The following CFAP20DC variants were observed in gnomAD, a reference collection of about 807,000 sequenced individuals.
CFAP20DC encodes the protein protein CFAP20DC.
In CFAP20DC, 84 loss-of-function variants were observed where a neutral mutation model predicts 101.7. The observed-to-expected ratio is 0.83, with a 90% CI of 0.69 to 0.99. The LOEUF is 0.99. Among genes scored for constraint, CFAP20DC ranks in the 50% least tolerant of loss-of-function variants. The pLI, the probability that CFAP20DC is intolerant of heterozygous loss-of-function variation, is 0.00. For missense variants in CFAP20DC, 1,007 were observed against 970.3 expected (o/e 1.04, Z -0.50); for synonymous variants, 359 against 351.2 (o/e 1.02, Z -0.25).
chr3:58,811,419 A>T (rs2074621405), intron 14 of CFAP20DC, among the ~76,000 whole-genome samples: 1 of 152,044 alleles, frequency 6.6e-6, no homozygotes, highest in African/African-American at 2.4e-5. Flanking sequence ...CAACTATCTG[A>T]TCTTTGACAA....
At chr3:58,917,286 A>AACAC (rs200310077) in intron 5 of CFAP20DC, among the ~76,000 whole-genome samples, 8 of 151,564 alleles carry the variant, frequency 5.3e-5, no homozygotes, top group Admixed American at 5.3e-4. Context: ...AAATTCTGTG[A>AACAC]ACACACACAC....
intron 15 of CFAP20DC, among the ~76,000 whole-genome samples, chr3:58,781,468 C>G (rs1246156020): frequency 6.6e-6 from 1 of 151,692 alleles, no homozygotes; most frequent in East Asian, 1.9e-4. Flanking sequence ...ACTAAATGAA[C>G]TGGATGCTAA....
intron 15 of CFAP20DC, among the ~76,000 whole-genome samples, chr3:58,776,381 A>C (rs759453500): frequency 1.3e-5 from 2 of 152,112 alleles, no homozygotes; most frequent in African/African-American, 2.4e-5. Flanking sequence ...TCCCTCTTCT[A>C]CCAGGGAGGA....
At chr3:58,918,054 T>A (rs1398897645) in intron 5 of CFAP20DC, among the ~76,000 whole-genome samples, 1 of 152,212 alleles carries the variant, frequency 6.6e-6, no homozygotes, top group East Asian at 1.9e-4. Flanking sequence ...TTCACCATGC[T>A]CCCTAAAATT....
At chr3:58,928,020 T>G (rs1288741627) in intron 5 of CFAP20DC, among the ~76,000 whole-genome samples, 1 of 152,174 alleles carries the variant, frequency 6.6e-6, no homozygotes, top group Non-Finnish European at 1.5e-5. Flanking sequence ...CCAAGCACAT[T>G]TAGAAAGCTT....
At chr3:58,751,577 C>G (rs1268237796) in intron 16 of CFAP20DC, among the ~76,000 whole-genome samples, 2 of 152,022 alleles carry the variant, frequency 1.3e-5, no homozygotes, top group Non-Finnish European at 2.9e-5. Flanking sequence ...AGTCACTGAG[C>G]CCTTGAGATA....
At position 58,758,885 on chromosome 3, in the gene CFAP20DC, G is replaced by T. The variant is rs1408704348; in HGVS notation, c.2238-5022C>A. 5.3e-5 allele frequency among the ~76,000 whole-genome samples: 8 copies of T among 152,040 alleles called. No homozygotes were observed. The South Asian group carries it at 1.0e-3, about 20-fold the overall frequency. The stretch of plus-strand genomic sequence containing the variant: ...CAAGAACTCATCCTTTTTTATGGCT[G>T]CATAGTATTCCATGGTGTATATGTG... On this transcript the variant is annotated intron_variant, in intron 15 of 16. Coordinates refer to ENST00000482387, the MANE Select transcript of CFAP20DC (RefSeq NM_001394063.1).
At chr3:58,789,581 T>C (rs2107624364) in intron 15 of CFAP20DC, among the ~76,000 whole-genome samples, 1 of 152,090 alleles carries the variant, frequency 6.6e-6, no homozygotes, top group East Asian at 1.9e-4. Context: ...CATGAGAAAA[T>C]AAGGAACTGG....
intron 1 of CFAP20DC, among the ~76,000 whole-genome samples, chr3:59,047,702 A>C (rs568416632): frequency 1.1e-3 from 169 of 152,248 alleles, no homozygotes; most frequent in Non-Finnish European, 2.0e-3. Context: ...AGGCTCCAAC[A>C]CTGGCTTTTT....
At chr3:58,920,768 C>A (rs1173324604) in intron 5 of CFAP20DC, among the ~76,000 whole-genome samples, 1 of 152,090 alleles carries the variant, frequency 6.6e-6, no homozygotes, top group African/African-American at 2.4e-5. Context: ...CTTTTACTAT[C>A]TTTGTCTGAT....
At chr3:59,005,422 A>C (rs1213534315) in intron 4 of CFAP20DC, among the ~76,000 whole-genome samples, 1 of 152,222 alleles carries the variant, frequency 6.6e-6, no homozygotes. Flanking sequence ...TATGCAGAAG[A>C]AGCTAGCTGA....
At chr3:58,885,853 A>G (rs1183987117) in intron 6 of CFAP20DC, among the ~76,000 whole-genome samples, 3 of 151,830 alleles carry the variant, frequency 2.0e-5, no homozygotes, top group Non-Finnish European at 4.4e-5. Flanking sequence ...TTATTCATTC[A>G]TCTGTTGTTG....
chr3:58,854,400 G>A (rs1420301223), intron 12 of CFAP20DC, among the ~76,000 whole-genome samples: 1 of 150,746 alleles, frequency 6.6e-6, no homozygotes, highest in East Asian at 2.0e-4. Context: ...CGTGAAAATG[G>A]CCATACTGCC....
chr3:59,012,615 GA>G (rs2093608746), intron 4 of CFAP20DC, among the ~76,000 whole-genome samples: 1 of 152,184 alleles, frequency 6.6e-6, no homozygotes, highest in Non-Finnish European at 1.5e-5. Flanking sequence ...TTTTAAGTAG[GA>G]AAATAATAAA....
At chr3:58,961,102 G>A (rs916280652) in intron 4 of CFAP20DC, among the ~76,000 whole-genome samples, 6 of 152,216 alleles carry the variant, frequency 3.9e-5, no homozygotes, top group South Asian at 2.1e-4. Flanking sequence ...CCACTTGGCC[G>A]TGGTATATAA....
rs143631647 is a variant in CFAP20DC, at chr3:58,747,616, C to T, written c.2333-5044G>A. 5.5e-3 allele frequency among the ~76,000 whole-genome samples: 833 copies of T among 152,242 alleles called. 11 individuals are homozygous for T. The highest frequency in any genetic ancestry group is 9.6e-3 in the Non-Finnish European group (654 of 68,008). Reference sequence around the variant, plus strand: ...CCTATAGATCTTGAGAACTGATTGACTGTATTTTTATGTGCATACTAATAC... The same window carrying T: ...CCTATAGATCTTGAGAACTGATTGATTGTATTTTTATGTGCATACTAATAC... On this transcript the variant is annotated intron_variant, in intron 16 of 16. Coordinates refer to ENST00000482387, the MANE Select transcript of CFAP20DC (RefSeq NM_001394063.1).
rs1276701528 is a variant in CFAP20DC, at chr3:59,047,157, ATACT to A, written c.111+4_111+7del. Reference sequence around the variant, plus strand: ...CTGATTTATGTGGCTCTAATTTCTAATACTTACTTTCCAAATCACAGATGGACTA... The same window carrying A: ...CTGATTTATGTGGCTCTAATTTCTAATACTTTCCAAATCACAGATGGACTA... On this transcript the variant is annotated splice_donor_5th_base_variant and intron_variant, in intron 2 of 16. Transcript: ENST00000482387. 2.0e-6 allele frequency: 3 copies of A among 1,515,354 alleles called. No homozygotes were observed. Among genetic ancestry groups the A allele is most frequent in the Non-Finnish European group, 2.7e-6 (3 of 1,128,910 alleles). 93.9% of individuals were successfully genotyped at this position (1,515,354 alleles called of 1,614,324 possible). A position where few individuals can be genotyped will look rare whatever the true frequency, so the allele number is the denominator to read the frequency against.
intron 13 of CFAP20DC, among the ~76,000 whole-genome samples, chr3:58,848,099 A>T (rs1320705399): frequency 6.8e-6 from 1 of 146,802 alleles, no homozygotes; most frequent in Non-Finnish European, 1.5e-5. Context: ...GTGCACCAGC[A>T]TGGCACATGT....
intron 15 of CFAP20DC, among the ~76,000 whole-genome samples, chr3:58,789,571 C>A (rs950704663): frequency 1.3e-5 from 2 of 152,108 alleles, no homozygotes; most frequent in Non-Finnish European, 2.9e-5. Flanking sequence ...TGGCTGGTTG[C>A]ATGAGAAAAT....
Sources: allele counts gnomAD v4.1 joint callset (sites outside exome capture counted in the v4.1 genomes callset), GRCh38; gene constraint gnomAD v4.1.1; transcripts MANE v1.5; gene names NCBI Gene and HGNC (gene_info 2026-07-23, HGNC 2026-07-21).